Variants in MYT1L observed in about 807,000 individuals in gnomAD.
MYT1L encodes the protein myelin transcription factor 1 like, also known as myelin transcription factor 1-like protein.
A neutral mutation model predicts 126.7 loss-of-function variants in MYT1L; 12 were observed. The ratio of observed to expected loss-of-function variants is 0.09; its 90% CI spans 0.06 to 0.15. The LOEUF is 0.15. Ranked by LOEUF, MYT1L falls within the 10% of genes least tolerant of loss-of-function variation. The probability of loss-of-function intolerance (pLI) is 1.00; values close to 1 mark genes in which losing one functional copy is unlikely to be tolerated. For missense variants in MYT1L, 979 were observed against 1,585.2 expected (o/e 0.62, Z 6.49); for synonymous variants, 541 against 604.2 (o/e 0.90, Z 1.53).
chr2:1,941,056 G>C (rs533442110), intron 9 of MYT1L, among the ~76,000 whole-genome samples: 19 of 152,302 alleles, frequency 1.2e-4, no homozygotes, highest in African/African-American at 4.1e-4. Context: ...GTTCAAGTGA[G>C]AATAGACAAA....
chr2:1,956,316 A>ATTCT (rs76266924), intron 8 of MYT1L, among the ~76,000 whole-genome samples: 29,916 of 125,678 alleles, frequency 0.24, 4,356 homozygotes, highest in African/African-American at 0.36. Flanking sequence ...TATATTTCCT[A>ATTCT]TTCTATGTGT....
intron 3 of MYT1L, among the ~76,000 whole-genome samples, chr2:2,143,177 C>G (rs2084290840): frequency 6.6e-6 from 1 of 151,320 alleles, no homozygotes; most frequent in Admixed American, 6.6e-5. Flanking sequence ...GTAGTCCCAG[C>G]TACTCGGGAG....
chr2:1,809,055 G>A lies in MYT1L; in HGVS notation c.3172+21C>T, dbSNP rs373024134. On this transcript the variant is annotated intron_variant, in intron 22 of 24. Coordinates refer to ENST00000647738, the MANE Select transcript of MYT1L (RefSeq NM_001303052.2). ...GGGCCTTCCTGACCATGGGTGCCAC[G>A]AGGGCTGGAGGGGTGCTCACCGTTG... is the stretch of plus-strand genomic sequence containing the variant. 4.5e-5 allele frequency: 72 copies of A among 1,612,258 alleles called. No homozygotes were observed. The Admixed American group carries it at 6.7e-4, about 15-fold the overall frequency.
At chr2:1,897,255 C>T (rs918500127) in intron 14 of MYT1L, among the ~76,000 whole-genome samples, 1 of 152,166 alleles carries the variant, frequency 6.6e-6, no homozygotes, top group East Asian at 1.9e-4. Flanking sequence ...GTCAGCACAG[C>T]CCTTCATGCC....
chr2:2,004,007 C>CTTTCCTGCATGCG (rs2062739038), intron 4 of MYT1L, among the ~76,000 whole-genome samples: 4 of 130,534 alleles, frequency 3.1e-5, no homozygotes, highest in East Asian at 2.2e-4. Flanking sequence ...TCCTGCATGC[C>CTTTCCTGCATGCG]TTCTTTCCTG....
At chr2:2,195,732 G>T (rs1167315529) in intron 2 of MYT1L, among the ~76,000 whole-genome samples, 1 of 152,042 alleles carries the variant, frequency 6.6e-6, no homozygotes, top group Non-Finnish European at 1.5e-5. Context: ...GGAAATTTTA[G>T]AATTAAAAAC....
At chr2:1,883,298 T>C (rs1398574263) in intron 18 of MYT1L, among the ~76,000 whole-genome samples, 1 of 152,230 alleles carries the variant, frequency 6.6e-6, no homozygotes, top group Non-Finnish European at 1.5e-5. Context: ...TGGCTCACAT[T>C]GGTCATACCT....
At chr2:2,180,918 G>C (rs2091405771) in intron 2 of MYT1L, among the ~76,000 whole-genome samples, 2 of 151,070 alleles carry the variant, frequency 1.3e-5, no homozygotes, top group Non-Finnish European at 3.0e-5. Flanking sequence ...ATGTACCTGT[G>C]TGTGCACCTG....
intron 4 of MYT1L, among the ~76,000 whole-genome samples, chr2:2,018,851 C>G (rs967629814): frequency 8.5e-5 from 13 of 152,056 alleles, no homozygotes; most frequent in African/African-American, 3.1e-4. Context: ...TTTTTGAGTT[C>G]CAGAGAGAGA....
At chr2:2,110,776 T>C (rs1378984586) in intron 3 of MYT1L, among the ~76,000 whole-genome samples, 4 of 152,084 alleles carry the variant, frequency 2.6e-5, no homozygotes, top group African/African-American at 7.2e-5. Context: ...GAAGCAGGCA[T>C]GGAGATGGAG....
At chr2:2,160,550 G>T (rs530045723) in intron 3 of MYT1L, among the ~76,000 whole-genome samples, 2 of 152,158 alleles carry the variant, frequency 1.3e-5, no homozygotes, top group African/African-American at 4.8e-5. Flanking sequence ...CTAATAGTTT[G>T]GTCAGGCTGA....
chr2:1,795,024 C>T (rs746412892), intron 23 of MYT1L, among the ~76,000 whole-genome samples: 15 of 152,166 alleles, frequency 9.9e-5, no homozygotes, highest in Non-Finnish European at 1.0e-4. Flanking sequence ...CAAGTGCATC[C>T]CCCGTGGCCC....
intron 4 of MYT1L, among the ~76,000 whole-genome samples, chr2:2,031,839 C>CA (rs2066319661): frequency 7.3e-6 from 1 of 137,608 alleles, no homozygotes; most frequent in South Asian, 2.5e-4. Flanking sequence ...CTTACACACA[C>CA]CCCTCGCCAG....
intron 8 of MYT1L, among the ~76,000 whole-genome samples, chr2:1,972,347 C>T (rs925820982): frequency 1.7e-5 from 2 of 119,146 alleles, no homozygotes; most frequent in African/African-American, 4.8e-5. Context: ...AACTTTCAAG[C>T]GTGGTTAGAA....
intron 3 of MYT1L, among the ~76,000 whole-genome samples, chr2:2,152,707 A>G (rs988266158): frequency 1.3e-5 from 2 of 152,198 alleles, no homozygotes; most frequent in African/African-American, 4.8e-5. Flanking sequence ...GCCCTTGGAC[A>G]TGTTAAATAA....
intron 8 of MYT1L, among the ~76,000 whole-genome samples, chr2:1,967,383 C>G (rs1355443089): frequency 6.6e-6 from 1 of 152,146 alleles, no homozygotes. Context: ...CTTCAGAGTT[C>G]CCTGCATTTG....
chr2:2,297,613 T>C (rs1013446335), intron 1 of MYT1L, among the ~76,000 whole-genome samples: 1 of 152,134 alleles, frequency 6.6e-6, no homozygotes, highest in African/African-American at 2.4e-5. Flanking sequence ...CACTCTCCCC[T>C]TGGCCGTGCC....
chr2:1,905,348 A>G (rs2050906252), intron 13 of MYT1L, among the ~76,000 whole-genome samples: 1 of 152,058 alleles, frequency 6.6e-6, no homozygotes, highest in African/African-American at 2.4e-5. Flanking sequence ...TCAGCTTAGG[A>G]AGGACAGTAA....
chr2:1,894,158 G>GC (rs763302232), intron 14 of MYT1L, among the ~76,000 whole-genome samples: 22 of 152,348 alleles, frequency 1.4e-4, no homozygotes, highest in South Asian at 2.1e-4. Flanking sequence ...CCCATGGCTG[G>GC]TGGGGCACAG....
Sources: allele counts gnomAD v4.1 joint callset (sites outside exome capture counted in the v4.1 genomes callset), GRCh38; gene constraint gnomAD v4.1.1; transcripts MANE v1.5; gene names NCBI Gene and HGNC (gene_info 2026-07-23, HGNC 2026-07-21).